Variants in HSPA4 observed in about 807,000 individuals in gnomAD.
HSPA4 encodes the protein heat shock protein family A (Hsp70) member 4, also known as heat shock 70 kDa protein 4.
HSPA4 carries 25 observed loss-of-function variants against 106.2 expected under a neutral mutation model. The observed-to-expected ratio is 0.24, with a 90% CI of 0.17 to 0.33. The LOEUF (loss-of-function observed/expected upper bound fraction) is 0.33, where lower values mean the gene tolerates loss of function less well. HSPA4 is among the 10% of genes least tolerant of loss of function. The probability of loss-of-function intolerance (pLI) is 1.00; values close to 1 mark genes in which losing one functional copy is unlikely to be tolerated. For synonymous variants in HSPA4, 332 were observed against 333.6 expected (o/e 1.00, Z 0.05); for missense variants, 841 against 996.0 (o/e 0.84, Z 2.10).
intron 1 of HSPA4, among the ~76,000 whole-genome samples, chr5:133,064,136 A>G (rs1765279517): frequency 6.6e-6 from 1 of 152,248 alleles, no homozygotes; most frequent in African/African-American, 2.4e-5. Flanking sequence ...CAGTAAATGG[A>G]TTAAATCAGG....
intron 7 of HSPA4, among the ~76,000 whole-genome samples, chr5:133,082,214 T>C (rs1035395038): frequency 6.6e-6 from 1 of 152,212 alleles, no homozygotes; most frequent in Non-Finnish European, 1.5e-5. Context: ...ATGCCCCGAA[T>C]TGGCAAATCT....
At chr5:133,085,663 A>G (rs1037800705) in intron 7 of HSPA4, among the ~76,000 whole-genome samples, 1 of 151,906 alleles carries the variant, frequency 6.6e-6, no homozygotes, top group African/African-American at 2.4e-5. Context: ...TCCGTCTGAA[A>G]AAAAGCCCTG....
chr5:133,082,431 A>G (rs1390667560), intron 7 of HSPA4, among the ~76,000 whole-genome samples: 1 of 152,242 alleles, frequency 6.6e-6, no homozygotes, highest in Non-Finnish European at 1.5e-5. Flanking sequence ...CCAAAAGTCA[A>G]TAATTACATA....
chr5:133,054,020 C>T (rs903565152), intron 1 of HSPA4, among the ~76,000 whole-genome samples: 3 of 151,826 alleles, frequency 2.0e-5, no homozygotes, highest in African/African-American at 7.3e-5. Flanking sequence ...ATTTCTTCAG[C>T]AGGTTTCAGC....
intron 13 of HSPA4, among the ~76,000 whole-genome samples, chr5:133,095,019 A>G (rs1765692965): frequency 6.6e-6 from 1 of 152,216 alleles, no homozygotes; most frequent in Admixed American, 6.5e-5. Flanking sequence ...TAATACAGTT[A>G]GAAAAAACTA....
chr5:133,085,354 G>A (rs1426125045), intron 7 of HSPA4, among the ~76,000 whole-genome samples: 1 of 151,738 alleles, frequency 6.6e-6, no homozygotes, highest in Non-Finnish European at 1.5e-5. Context: ...TTTTGGAAAA[G>A]GCAAAACTAT....
Position 133,089,689 on chromosome 5 carries a change from G to T in HSPA4, c.1372G>T (p.Ala458Ser). 1 of 1,569,818 alleles carries T rather than the reference G, an allele frequency of 6.4e-7. No individual in the cohort carries two copies. The highest frequency in any genetic ancestry group is 8.6e-7 in the Non-Finnish European group (1 of 1,159,984). The change falls in exon 11 of 19, where the codon GCT becomes TCT. Residue 458 changes from alanine (A) to serine (S), a missense_variant. Transcript: ENST00000304858. The part of the protein sequence containing the change: ...SPQDLPYPDP[A>S]IAQFSVQKVT... Reference sequence around the variant, plus strand: ...TCAGGATTTGCCCTATCCAGATCCTGCTATAGGTAAGTAAAGAGTTGGAAA... The same window carrying T: ...TCAGGATTTGCCCTATCCAGATCCTTCTATAGGTAAGTAAAGAGTTGGAAA...
chr5:133,089,060 C>T lies in HSPA4; in HGVS notation c.1143C>T (p.Ala381=). ...TTTGAAAATTATTATTCTAGTGTGC[C>T]ATCTTATCGCCTGCTTTCAAAGTCA... ...AVTRGCALQC[A]ILSPAFKVRE... The change falls in exon 10 of 19, where the codon GCC becomes GCT. Residue 381 remains alanine (A), a synonymous_variant. Transcript: ENST00000304858. 4 of 1,576,106 alleles carry T rather than the reference C, an allele frequency of 2.5e-6. No homozygotes were observed. Among genetic ancestry groups the T allele is most frequent in the Non-Finnish European group, 3.5e-6 (4 of 1,154,744 alleles).
intron 2 of HSPA4, 52 bp from the exon 3 acceptor site, chr5:133,067,365 T>A (rs1272786350): frequency 3.0e-6 from 4 of 1,347,986 alleles, no homozygotes; most frequent in Non-Finnish European, 3.1e-6. Flanking sequence ...GCTGTTGAAA[T>A]AAAAAAAAAA....
intron 11 of HSPA4, chr5:133,090,962 G>T (rs576064320): frequency 1.9e-5 from 11 of 576,732 alleles, no homozygotes; most frequent in South Asian, 1.7e-4. Flanking sequence ...AAAGAATCGG[G>T]AGATATTTGA....
At chr5:133,070,885 A>G (rs1352227197) in intron 4 of HSPA4, among the ~76,000 whole-genome samples, 1 of 151,284 alleles carries the variant, frequency 6.6e-6, no homozygotes, top group Non-Finnish European at 1.5e-5. Flanking sequence ...CTGGGTGACA[A>G]GAGCAAAACT....
chr5:133,077,871 TTAAGCAGCAGTCTTG>T (rs1765464926), intron 7 of HSPA4, among the ~76,000 whole-genome samples: 1 of 152,216 alleles, frequency 6.6e-6, no homozygotes, highest in African/African-American at 2.4e-5. Flanking sequence ...TTCGTTTTTG[TTAAGCAGCAGTCTTG>T]TGTGTGTGTA....
chr5:133,072,415 T>TTTTTG (rs1177051206), intron 4 of HSPA4, among the ~76,000 whole-genome samples: 1 of 144,970 alleles, frequency 6.9e-6, no homozygotes, highest in Non-Finnish European at 1.5e-5. Flanking sequence ...TTTTTTTTTT[T>TTTTTG]GGAGACTGAG....
rs556087935 is a variant in HSPA4 at position 133,100,620 on chromosome 5, A to G, written c.2037+968A>G. ...GAGACCAAGGTGAAACCCTGTCTCT[A>G]CTAAAAATACAAAAATTAGCCGAGC... On this transcript the variant is annotated intron_variant, in intron 16 of 18. Transcript: ENST00000304858. 3.5e-4 allele frequency among the ~76,000 whole-genome samples: 53 copies of G among 152,268 alleles called. No individual in the cohort carries two copies. The East Asian group carries it at 0.01, about 29-fold the overall frequency.
At chr5:133,091,554 T>G (rs1319143932) in intron 12 of HSPA4, among the ~76,000 whole-genome samples, 180 bp downstream of exon 12, 4 of 152,180 alleles carry the variant, frequency 2.6e-5, no homozygotes. Context: ...ATGCAGAATT[T>G]GTATAGAAGT....
At chr5:133,101,603 C>T in intron 16 of HSPA4, 156 bp from the exon 17 acceptor site, 2 of 641,182 alleles carry the variant, frequency 3.1e-6, no homozygotes, top group Non-Finnish European at 2.6e-6. Flanking sequence ...CATTCCCCTC[C>T]TGAAGTAGCT....
At chr5:133,053,575 T>C in intron 1 of HSPA4, among the ~76,000 whole-genome samples, 1 of 152,008 alleles carries the variant, frequency 6.6e-6, no homozygotes. Context: ...GTCTCGAACT[T>C]CTGGACTCAA....
intron 1 of HSPA4, among the ~76,000 whole-genome samples, chr5:133,063,385 T>G (rs1389420733): frequency 1.3e-5 from 2 of 152,062 alleles, no homozygotes; most frequent in African/African-American, 4.8e-5. Flanking sequence ...TCCCAAAACG[T>G]TGGGATTACA....
At chr5:133,065,359 T>G (rs569729095) in intron 2 of HSPA4, among the ~76,000 whole-genome samples, 12 of 152,302 alleles carry the variant, frequency 7.9e-5, no homozygotes, top group African/African-American at 2.6e-4. Flanking sequence ...ATAAGTAATC[T>G]AGAGACAACT....
Sources: gnomAD v4.1 joint callset for allele counts (sites outside exome capture counted in the v4.1 genomes callset) on GRCh38, gnomAD v4.1.1 for gene constraint, MANE v1.5 for transcripts, NCBI Gene and HGNC (gene_info 2026-07-23, HGNC 2026-07-21) for gene names.